SH3GL2: variants seen among roughly 807,000 people sequenced by gnomAD.
The protein encoded by SH3GL2 is SH3 domain containing GRB2 like 2, endophilin A1.
In SH3GL2, 24 loss-of-function variants were observed where a neutral mutation model predicts 46.0. That is an observed-to-expected ratio of 0.52 (90% CI 0.38 to 0.73). SH3GL2 has a LOEUF of 0.73. Among genes scored for constraint, SH3GL2 ranks in the 30% least tolerant of loss-of-function variants. SH3GL2 has a pLI of 0.00. For synonymous variants in SH3GL2, 196 were observed against 147.1 expected (o/e 1.33, Z -2.40); for missense variants, 413 against 424.2 (o/e 0.97, Z 0.23).
chr9:17,645,151 C>CTTTTTTTTTTTTT (rs57611978), intron 1 of SH3GL2, among the ~76,000 whole-genome samples: 4 of 68,780 alleles, frequency 5.8e-5, no homozygotes, highest in African/African-American at 2.0e-4. Flanking sequence ...GCAAACGCTG[C>CTTTTTTTTTTTTT]TTTTTTTTTT....
At position 17,688,001 on chromosome 9, in the gene SH3GL2, C is replaced by T. The variant is rs1025893844; in HGVS notation, c.46-59065C>T. Among the ~76,000 whole-genome samples, 9 of 152,180 alleles carry T rather than the reference C, an allele frequency of 5.9e-5. No individual in the cohort carries two copies. In the East Asian group the frequency reaches 1.7e-3, roughly 29 times the overall value. ...TAAAAAGTAAGGGCAAAGATTGTGTCTCATAGTTCAGTATCATAGTAGCTC... is the reference window on the plus strand; with the variant it reads ...TAAAAAGTAAGGGCAAAGATTGTGTTTCATAGTTCAGTATCATAGTAGCTC... On this transcript the variant is annotated intron_variant, in intron 1 of 8. Coordinates refer to ENST00000380607, the MANE Select transcript of SH3GL2 (RefSeq NM_003026.5).
At chr9:17,703,669 G>A (rs991774087) in intron 1 of SH3GL2, among the ~76,000 whole-genome samples, 17 of 151,946 alleles carry the variant, frequency 1.1e-4, no homozygotes, top group African/African-American at 4.1e-4. Flanking sequence ...CAATATATGT[G>A]ATTCGTCACA....
chr9:17,713,070 T>TG (rs1218787787), intron 1 of SH3GL2, among the ~76,000 whole-genome samples: 2 of 151,354 alleles, frequency 1.3e-5, no homozygotes, highest in African/African-American at 4.8e-5. Flanking sequence ...CTTAGTGTGC[T>TG]GGGTTTTTTT....
At chr9:17,652,600 T>C (rs1819982406) in intron 1 of SH3GL2, among the ~76,000 whole-genome samples, 2 of 152,114 alleles carry the variant, frequency 1.3e-5, no homozygotes, top group Admixed American at 1.3e-4. Flanking sequence ...CTTAATACTA[T>C]ATATTATATA....
chr9:17,692,842 T>A (rs1271266154), intron 1 of SH3GL2, among the ~76,000 whole-genome samples: 1 of 152,072 alleles, frequency 6.6e-6, no homozygotes, highest in Non-Finnish European at 1.5e-5. Flanking sequence ...AGAATCATGG[T>A]GGGAGGTAAA....
chr9:17,777,596 C>A (rs896658433), intron 3 of SH3GL2, among the ~76,000 whole-genome samples: 2 of 151,978 alleles, frequency 1.3e-5, no homozygotes, highest in Non-Finnish European at 2.9e-5. Context: ...GTTGCTTGAC[C>A]ATGTTTTAAT....
rs539739801 is a variant in SH3GL2 at position 17,615,003 on chromosome 9, C to A, written c.45+35716C>A. Among the ~76,000 whole-genome samples, 3 of 152,308 alleles carry A rather than the reference C, an allele frequency of 2.0e-5. No individual in the cohort carries two copies. The East Asian group carries it at 5.8e-4, about 29-fold the overall frequency. On this transcript the variant is annotated intron_variant, in intron 1 of 8. Transcript: ENST00000380607. Reference sequence around the variant, plus strand: ...CAGAGGTGCCCAGATGCCAATGACACCCTGACTAGAGTGAGCATGTCCTCT... The same window carrying A: ...CAGAGGTGCCCAGATGCCAATGACAACCTGACTAGAGTGAGCATGTCCTCT...
chr9:17,579,158 G>T lies in SH3GL2; in HGVS notation c.-85G>T, dbSNP rs1588152673. The stretch of plus-strand genomic sequence containing the variant: ...CGGCGGCACGACCAGAGGCGGCCAG[G>T]GGAGCGCGCCGCCCCGCTCGGCCCT... On this transcript the variant is annotated 5_prime_UTR_variant, in exon 1 of 9. Coordinates refer to ENST00000380607, the MANE Select transcript of SH3GL2 (RefSeq NM_003026.5). The T allele has an allele frequency of 1.2e-5, 12 of 991,804 alleles. No homozygotes were observed. Among genetic ancestry groups the T allele is most frequent in the Middle Eastern group, 2.4e-4 (1 of 4,180 alleles). The allele number at this position is 991,804 out of a possible 1,614,324, so 61.4% of individuals were successfully genotyped here. A position where few individuals can be genotyped will look rare whatever the true frequency, so the allele number is the denominator to read the frequency against.
chr9:17,749,852 A>C (rs2182091), intron 2 of SH3GL2, among the ~76,000 whole-genome samples: 63,890 of 151,994 alleles, frequency 0.42, 14,668 homozygotes, highest in East Asian at 0.8. Flanking sequence ...AGTAAGGTAT[A>C]AGGATTATTT....
intron 1 of SH3GL2, among the ~76,000 whole-genome samples, chr9:17,597,536 A>G (rs747921094): frequency 2.6e-5 from 4 of 152,000 alleles, no homozygotes; most frequent in African/African-American, 7.2e-5. Context: ...AAAAATTACT[A>G]TATAACAATG....
At chr9:17,640,979 AT>A (rs1257830627) in intron 1 of SH3GL2, among the ~76,000 whole-genome samples, 3 of 152,228 alleles carry the variant, frequency 2.0e-5, no homozygotes, top group Non-Finnish European at 4.4e-5. Context: ...AAACTTAGGC[AT>A]AAATAATAAG....
intron 1 of SH3GL2, among the ~76,000 whole-genome samples, chr9:17,621,604 T>C (rs978840756): frequency 3.3e-5 from 5 of 152,200 alleles, no homozygotes; most frequent in African/African-American, 1.2e-4. Context: ...TTTAACTCTG[T>C]TTAAAGTATT....
intron 1 of SH3GL2, among the ~76,000 whole-genome samples, chr9:17,729,642 G>T (rs986936345): frequency 1.3e-5 from 2 of 152,126 alleles, no homozygotes; most frequent in African/African-American, 4.8e-5. Context: ...TTTGTATAAG[G>T]TGTAAGGAAG....
intron 1 of SH3GL2, among the ~76,000 whole-genome samples, chr9:17,626,611 C>T (rs779299270): frequency 5.3e-5 from 8 of 152,070 alleles, no homozygotes; most frequent in Non-Finnish European, 8.8e-5. Context: ...ACCAGTAAAT[C>T]GAAGGCCATT....
At chr9:17,740,510 G>C (rs1822495489) in intron 1 of SH3GL2, among the ~76,000 whole-genome samples, 1 of 121,872 alleles carries the variant, frequency 8.2e-6, no homozygotes, top group Non-Finnish European at 2.1e-5. Context: ...AAATGTTTTG[G>C]TACTTTACTA....
At chr9:17,777,723 C>T (rs572971195) in intron 3 of SH3GL2, among the ~76,000 whole-genome samples, 1 of 152,120 alleles carries the variant, frequency 6.6e-6, no homozygotes, top group South Asian at 2.1e-4. Context: ...CTCTTCCTCT[C>T]TTATAAGGTT....
intron 1 of SH3GL2, among the ~76,000 whole-genome samples, chr9:17,674,860 A>G (rs922871526): frequency 6.6e-6 from 1 of 152,124 alleles, no homozygotes; most frequent in Non-Finnish European, 1.5e-5. Flanking sequence ...AGGTCTTTAG[A>G]GGCCCAGGCC....
At chr9:17,679,141 T>C (rs1344067340) in intron 1 of SH3GL2, among the ~76,000 whole-genome samples, 2 of 152,168 alleles carry the variant, frequency 1.3e-5, no homozygotes, top group African/African-American at 4.8e-5. Context: ...ATATGAACTT[T>C]AAAGTAGTTT....
intron 1 of SH3GL2, among the ~76,000 whole-genome samples, chr9:17,676,355 C>G (rs1303156619): frequency 6.6e-6 from 1 of 152,142 alleles, no homozygotes; most frequent in Non-Finnish European, 1.5e-5. Flanking sequence ...CATGTAATCC[C>G]AGCACTTTGG....
Sources: gnomAD v4.1 joint callset for allele counts (sites outside exome capture counted in the v4.1 genomes callset) on GRCh38, gnomAD v4.1.1 for gene constraint, MANE v1.5 for transcripts, NCBI Gene and HGNC (gene_info 2026-07-23, HGNC 2026-07-21) for gene names.